PDZD2: variants seen among roughly 807,000 people sequenced by gnomAD.
PDZD2 encodes PDZ domain-containing protein 2.
In PDZD2, 90 loss-of-function variants were observed where a neutral mutation model predicts 220.7. The observed-to-expected ratio is 0.41, with a 90% CI of 0.34 to 0.49. PDZD2 has a LOEUF of 0.49. Among genes scored for constraint, PDZD2 ranks in the 20% least tolerant of loss-of-function variants. PDZD2 has a pLI of 0.28. For missense variants in PDZD2, 3,174 were observed against 3,608.5 expected (o/e 0.88, Z 3.08); for synonymous variants, 1,375 against 1,450.5 (o/e 0.95, Z 1.18).
Position 32,091,038 on chromosome 5 carries a change from G to T in PDZD2, c.7590G>T (p.Ser2530=), listed in dbSNP as rs761253819. The T allele has an allele frequency of 1.9e-6, 3 of 1,613,714 alleles. No homozygotes were observed. The highest frequency in any genetic ancestry group is 2.2e-5 in the South Asian group (2 of 91,088). Residue 2530 remains serine (S), a synonymous_variant, in exon 20 of 25, where the codon TCG becomes TCT. Coordinates refer to ENST00000438447, the MANE Select transcript of PDZD2 (RefSeq NM_178140.4). ...RSPGPPAGGV[S]CPEKGGNRAC... is the part of the protein sequence containing the mutation. ...CTGGCCCTCCTGCTGGAGGCGTTTCGTGTCCCGAGAAGGGCGGGAACAGGG... is the reference window on the plus strand; with the variant it reads ...CTGGCCCTCCTGCTGGAGGCGTTTCTTGTCCCGAGAAGGGCGGGAACAGGG...
intron 1 of PDZD2, among the ~76,000 whole-genome samples, chr5:31,739,764 A>G (rs1265248286): frequency 1.3e-5 from 2 of 152,200 alleles, no homozygotes; most frequent in Non-Finnish European, 2.9e-5. Flanking sequence ...TTTTAAGATT[A>G]GGAAACAAGA....
chr5:31,892,342 G>T (rs1741121920), intron 2 of PDZD2, among the ~76,000 whole-genome samples: 1 of 152,202 alleles, frequency 6.6e-6, no homozygotes, highest in African/African-American at 2.4e-5. Flanking sequence ...TTAAAAATAA[G>T]ACTCATAAAC....
rs1282179860 is a variant in PDZD2, at chr5:31,890,179, G to A, written c.476+90455G>A. 3.0e-5 allele frequency among the ~76,000 whole-genome samples: 4 copies of A among 134,700 alleles called. No homozygotes were observed. The Admixed American group carries it at 3.3e-4, about 11-fold the overall frequency. 88.4% of individuals were successfully genotyped at this position (134,700 alleles called of 152,430 possible). ...TGTGGAGAGAAATCCAAGAGAAGCT[G>A]TGGAGCAGCACTGTCCAATAAAACT... On this transcript the variant is annotated intron_variant, in intron 2 of 24. Transcript: ENST00000438447.
intron 2 of PDZD2, among the ~76,000 whole-genome samples, chr5:31,926,526 G>GGAAA (rs373623280): frequency 1.2e-5 from 1 of 83,994 alleles, no homozygotes; most frequent in African/African-American, 4.1e-5. Flanking sequence ...AACTGCATCT[G>GGAAA]AAAAAAAAAA....
intron 19 of PDZD2, among the ~76,000 whole-genome samples, chr5:32,078,917 G>A (rs1156605692): frequency 6.6e-6 from 1 of 151,972 alleles, no homozygotes; most frequent in African/African-American, 2.4e-5. Context: ...AAAATCAACT[G>A]AATTAAGTGA....
chr5:31,853,585 G>A lies in PDZD2; in HGVS notation c.476+53861G>A, dbSNP rs562855449. Among the ~76,000 whole-genome samples, 7 of 152,330 alleles carry A rather than the reference G, an allele frequency of 4.6e-5. No homozygotes were observed. The South Asian group carries it at 1.5e-3, about 32-fold the overall frequency. On this transcript the variant is annotated intron_variant, in intron 2 of 24. Coordinates refer to ENST00000438447, the MANE Select transcript of PDZD2 (RefSeq NM_178140.4). The stretch of plus-strand genomic sequence containing the variant: ...AGATTTCCAGCCCAGGCTTGACATG[G>A]GTTGGCCCCTCCTGGGCTTTAATTA...
chr5:32,075,729 G>A (rs1017381562), intron 18 of PDZD2, among the ~76,000 whole-genome samples: 24 of 151,734 alleles, frequency 1.6e-4, no homozygotes, highest in African/African-American at 4.6e-4. Flanking sequence ...TCTCTCTCTC[G>A]CTGAACAAAG....
intron 2 of PDZD2, among the ~76,000 whole-genome samples, chr5:31,873,799 C>T (rs1238961371): frequency 6.0e-5 from 9 of 149,788 alleles, no homozygotes; most frequent in Non-Finnish European, 7.4e-5. Flanking sequence ...GGTGTGATCT[C>T]GGCTCACGGC....
intron 1 of PDZD2, among the ~76,000 whole-genome samples, chr5:31,648,997 G>A (rs999074454): frequency 6.6e-5 from 10 of 152,010 alleles, no homozygotes; most frequent in Non-Finnish European, 1.5e-4. Context: ...AATCTTCTGT[G>A]CTCTGACTCC....
chr5:31,869,405 A>G (rs1289095132), intron 2 of PDZD2, among the ~76,000 whole-genome samples: 2 of 152,008 alleles, frequency 1.3e-5, no homozygotes, highest in Admixed American at 6.6e-5. Context: ...TATTGGCTGC[A>G]TACAAAAATT....
chr5:31,932,275 G>A (rs1479755369), intron 2 of PDZD2, among the ~76,000 whole-genome samples: 1 of 152,198 alleles, frequency 6.6e-6, no homozygotes, highest in Non-Finnish European at 1.5e-5. Flanking sequence ...CAAACCGGGT[G>A]CAGTGGCTCA....
intron 6 of PDZD2, among the ~76,000 whole-genome samples, chr5:32,015,443 G>A (rs1216795996): frequency 6.6e-6 from 1 of 151,986 alleles, no homozygotes; most frequent in African/African-American, 2.4e-5. Context: ...GTAGGGATGG[G>A]GCGTCACTAT....
intron 4 of PDZD2, among the ~76,000 whole-genome samples, chr5:31,999,010 G>A (rs1448767664): frequency 3.9e-5 from 6 of 152,272 alleles, no homozygotes; most frequent in African/African-American, 4.8e-5. Context: ...GATTGAAGGG[G>A]CCTGTCCAGT....
chr5:31,790,595 A>C (rs569176801), intron 1 of PDZD2, among the ~76,000 whole-genome samples: 2 of 148,358 alleles, frequency 1.3e-5, no homozygotes, highest in South Asian at 4.4e-4. Context: ...CCAGGGCTGG[A>C]GTTTTTTTTA....
At chr5:32,078,949 G>C (rs1254121670) in intron 19 of PDZD2, among the ~76,000 whole-genome samples, 2 of 152,078 alleles carry the variant, frequency 1.3e-5, no homozygotes, top group Admixed American at 6.6e-5. Flanking sequence ...TGTTAGTGGA[G>C]ACCTTTATTG....
chr5:31,958,243 T>C (rs1051120814), intron 2 of PDZD2, among the ~76,000 whole-genome samples: 5 of 126,948 alleles, frequency 3.9e-5, no homozygotes, highest in South Asian at 2.9e-4. Context: ...TATCTTGATA[T>C]TTTTGTTTGC....
At chr5:31,763,928 C>G (rs1627377) in intron 1 of PDZD2, among the ~76,000 whole-genome samples, 1 of 150,426 alleles carries the variant, frequency 6.6e-6, no homozygotes, top group Non-Finnish European at 1.5e-5. Flanking sequence ...GTAGTGAGCT[C>G]GGGCTCTGAC....
At chr5:32,073,047 A>G (rs1740908688) in intron 17 of PDZD2, among the ~76,000 whole-genome samples, 1 of 152,092 alleles carries the variant, frequency 6.6e-6, no homozygotes, top group Non-Finnish European at 1.5e-5. Context: ...TGATATATCA[A>G]TTTGAGATAA....
chr5:32,000,240 C>A lies in PDZD2; in HGVS notation c.1223C>A (p.Thr408Lys), dbSNP rs200616086. 1 of 1,614,122 alleles carries A rather than the reference C, an allele frequency of 6.2e-7. No homozygotes were observed. Among genetic ancestry groups the A allele is most frequent in the Non-Finnish European group, 8.5e-7 (1 of 1,180,004 alleles). The change falls in exon 5 of 25, where the codon ACG becomes AAG. Residue 408 changes from threonine (T) to lysine (K), a missense_variant. Around this residue, in one of 4 missense-constraint regions of PDZD2, gnomAD observed 632 missense variants for 708.1 expected, o/e 0.89. Transcript: ENST00000438447. This position sits in a 1 kb window ranked among gnomAD's most constrained non-coding sequence, Gnocchi z 4.5. ...EEAVAILRSATGMVQLVVASK... is the reference protein window; with the variant it reads ...EEAVAILRSAKGMVQLVVASK... ...GCAGTGGCCATTCTTCGCTCCGCCA[C>A]GGGAATGGTGCAGCTTGTGGTGGCC...
Sources: gnomAD v4.1 joint callset for allele counts (sites outside exome capture counted in the v4.1 genomes callset) on GRCh38, gnomAD v4.1.1 for gene constraint, gnomAD v4.1.1 regional missense constraint, Gnocchi (gnomAD v3.1) non-coding constraint, MANE v1.5 for transcripts, NCBI Gene and HGNC (gene_info 2026-07-23, HGNC 2026-07-21) for gene names.